The following TIA1 variants were observed in gnomAD, a reference collection of about 807,000 sequenced individuals.
TIA1 encodes cytotoxic granule associated RNA binding protein TIA1.
A neutral mutation model predicts 65.9 loss-of-function variants in TIA1; 23 were observed. That is an observed-to-expected ratio of 0.35 (90% confidence interval 0.25 to 0.49). TIA1 has a LOEUF of 0.49. TIA1 is among the 20% of genes least tolerant of loss of function. The probability of loss-of-function intolerance (pLI) is 0.98; values close to 1 mark genes in which losing one functional copy is unlikely to be tolerated. For synonymous variants in TIA1, 147 were observed against 149.4 expected, an observed-to-expected ratio of 0.98 and a Z score of 0.12; for missense variants, 371 against 477.9, an observed-to-expected ratio of 0.78 and a Z score of 2.09.
At chr2:70,215,139 C>T (rs531983799) in intron 11 of TIA1, 4 of 500,314 alleles carry the variant, frequency 8.0e-6, no homozygotes, top group South Asian at 2.6e-5. Flanking sequence ...TTAGGTTTCT[C>T]GGAGCATTTT....
At chr2:70,229,015 C>T (rs1230475684) in intron 5 of TIA1, 44 bp downstream of exon 5, 1 of 1,461,492 alleles carries the variant, frequency 6.8e-7, no homozygotes, top group Middle Eastern at 2.1e-4. Flanking sequence ...TTAGTGAATA[C>T]CCTTTCAAGA....
chr2:70,221,661 AAGG>A (rs534158644), intron 7 of TIA1, among the ~76,000 whole-genome samples: 9 of 152,182 alleles, frequency 5.9e-5, no homozygotes, highest in Non-Finnish European at 1.2e-4. Flanking sequence ...AGGGGCATGA[AAGG>A]AGGATAGTGA....
At chr2:70,218,730 G>A (rs1679847845) in intron 7 of TIA1, among the ~76,000 whole-genome samples, 1 of 152,188 alleles carries the variant, frequency 6.6e-6, no homozygotes, top group South Asian at 2.1e-4. Flanking sequence ...ACCGCACCCG[G>A]CAAGAAGGCC....
At chr2:70,227,080 AGTACT>A (rs1256568490) in intron 6 of TIA1, among the ~76,000 whole-genome samples, 1 of 152,150 alleles carries the variant, frequency 6.6e-6, no homozygotes, top group African/African-American at 2.4e-5. Context: ...CTCTACAGAA[AGTACT>A]GTAAACAACT....
At position 70,216,462 on chromosome 2, in the gene TIA1, A is replaced by T; in HGVS notation, c.621T>A (p.Asn207Lys). ...CAGTACAGTTGCTTGGACTAGACTG[A>T]TTTACAACCTCATCATATGATAGCT... Reference protein sequence around the residue: ...TKQLSYDEVVNQSSPSNCTVY... With the variant: ...TKQLSYDEVVKQSSPSNCTVY... Residue 207 changes from asparagine to lysine, a missense_variant, in exon 9 of 13, where the codon AAT becomes AAA. Coordinates refer to ENST00000433529, the MANE Select transcript of TIA1 (RefSeq NM_022173.4). The T allele has an allele frequency of 6.2e-7, 1 of 1,613,988 alleles. No homozygotes were observed. The highest frequency in any genetic ancestry group is 8.5e-7 in the Non-Finnish European group (1 of 1,179,948).
chr2:70,247,956 A>G (rs768024977), intron 1 of TIA1, among the ~76,000 whole-genome samples: 1 of 152,180 alleles, frequency 6.6e-6, no homozygotes, highest in Non-Finnish European at 1.5e-5. Context: ...CCGAGAAGAA[A>G]ATGAAAGGAA....
At chr2:70,217,257 C>T (rs1268132193) in intron 7 of TIA1, 7 of 225,668 alleles carry the variant, frequency 3.1e-5, no homozygotes, top group South Asian at 3.3e-4. Context: ...CTGCAACCTC[C>T]GCCAACTGGG....
At chr2:70,233,764 T>TAAAAAA (rs528605670) in intron 2 of TIA1, among the ~76,000 whole-genome samples, 1 of 129,836 alleles carries the variant, frequency 7.7e-6, no homozygotes. Context: ...AGACTCTGTC[T>TAAAAAA]AAAAAAAAAA....
intron 6 of TIA1, among the ~76,000 whole-genome samples, chr2:70,226,349 G>A (rs1455571136): frequency 3.3e-5 from 5 of 151,904 alleles, no homozygotes; most frequent in African/African-American, 7.3e-5. Flanking sequence ...TAAAATTCCC[G>A]TGTTTTCAAA....
chr2:70,228,339 A>G, intron 5 of TIA1: 1 of 1,284,036 alleles, frequency 7.8e-7, no homozygotes, highest in African/African-American at 1.5e-5. Flanking sequence ...CAATCAAAGA[A>G]ATACCTTGCA....
intron 12 of TIA1, 137 bp from the exon 13 acceptor site, chr2:70,212,982 T>C (rs1295570143): frequency 3.2e-6 from 2 of 617,656 alleles, no homozygotes; most frequent in Non-Finnish European, 5.8e-6. Context: ...GAATAATTTA[T>C]GCTAGGGAAA....
chr2:70,245,239 G>C (rs1045010388), intron 1 of TIA1, among the ~76,000 whole-genome samples: 1 of 152,120 alleles, frequency 6.6e-6, no homozygotes, highest in South Asian at 2.1e-4. Flanking sequence ...CACTCACCTC[G>C]GCTTCCCAAA....
intron 1 of TIA1, among the ~76,000 whole-genome samples, chr2:70,245,109 C>A (rs1050835098): frequency 3.3e-5 from 5 of 152,084 alleles, no homozygotes; most frequent in Admixed American, 2.6e-4. Flanking sequence ...CCTCCGGAGT[C>A]CCGAGTAGCT....
intron 6 of TIA1, among the ~76,000 whole-genome samples, chr2:70,225,635 A>G (rs1156234242): frequency 6.6e-6 from 1 of 152,252 alleles, no homozygotes; most frequent in Non-Finnish European, 1.5e-5. Context: ...ATACATAAGC[A>G]TATTTTAGAT....
At position 70,230,800 on chromosome 2, in the gene TIA1, C is replaced by T; in HGVS notation, c.178G>A (p.Ala60Thr). 2 of 1,612,888 alleles carry T rather than the reference C, an allele frequency of 1.2e-6. No individual in the cohort carries two copies. Among genetic ancestry groups the T allele is most frequent in the South Asian group, 1.1e-5 (1 of 90,692 alleles). ...CCATTCATAGCAGCTAATGCTGCAG[C>T]TGCATGACGATGCTCATGAAACTCC... is the stretch of plus-strand genomic sequence containing the variant. ...FVEFHEHRHA[A>T]AALAAMNGRK... Residue 60 changes from alanine (A) to threonine (T), a missense_variant, in exon 3 of 13, where the codon GCT (alanine) becomes ACT (threonine). Ala to Thr is a moderately conservative substitution (Grantham distance 58, BLOSUM62 0). Coordinates refer to ENST00000433529, the MANE Select transcript of TIA1 (RefSeq NM_022173.4).
intron 7 of TIA1, chr2:70,224,297 G>T (rs113558825): frequency 3.2e-4 from 140 of 439,894 alleles, no homozygotes; most frequent in African/African-American, 2.7e-3. Flanking sequence ...ATCCATAAAT[G>T]AGATTTTCAA....
chr2:70,241,837 G>A (rs537949968), intron 1 of TIA1, among the ~76,000 whole-genome samples: 1 of 151,996 alleles, frequency 6.6e-6, no homozygotes, highest in African/African-American at 2.4e-5. Context: ...CCAGCTACTT[G>A]GGAAGCTGAA....
intron 7 of TIA1, among the ~76,000 whole-genome samples, chr2:70,218,970 A>G (rs1679981271): frequency 6.6e-6 from 1 of 152,360 alleles, no homozygotes; most frequent in South Asian, 2.1e-4. Flanking sequence ...GAGAAATTGG[A>G]AAGACAGCAT....
chr2:70,221,310 T>TA (rs1157020781), intron 7 of TIA1, among the ~76,000 whole-genome samples: 2 of 151,452 alleles, frequency 1.3e-5, no homozygotes, highest in East Asian at 3.9e-4. Flanking sequence ...TGGCCTTTTT[T>TA]TAAAAAAAAA....
Sources: allele counts gnomAD v4.1 joint callset (sites outside exome capture counted in the v4.1 genomes callset), GRCh38; gene constraint gnomAD v4.1.1; transcripts MANE v1.5; gene names NCBI Gene and HGNC (gene_info 2026-07-23, HGNC 2026-07-21).